FLT1: variants seen among roughly 807,000 people sequenced by gnomAD.
FLT1 encodes vascular endothelial growth factor receptor 1.
A neutral mutation model predicts 156.3 loss-of-function variants in FLT1; 49 were observed. That is an observed-to-expected ratio of 0.31 (90% CI 0.25 to 0.40). The LOEUF (loss-of-function observed/expected upper bound fraction) is 0.40, where lower values mean the gene tolerates loss of function less well. Ranked by LOEUF, FLT1 falls within the 10% of genes least tolerant of loss-of-function variation. The probability of loss-of-function intolerance (pLI) is 1.00; values close to 1 mark genes in which losing one functional copy is unlikely to be tolerated. For synonymous variants in FLT1, 594 were observed against 583.8 expected (o/e 1.02, Z -0.25); for missense variants, 1,322 against 1,637.2 (o/e 0.81, Z 3.32).
intron 10 of FLT1, among the ~76,000 whole-genome samples, chr13:28,408,477 T>C (rs899815190): frequency 1.3e-5 from 2 of 152,204 alleles, no homozygotes; most frequent in South Asian, 2.1e-4. Context: ...AAAAATAGAA[T>C]GTCATTTAGA....
chr13:28,419,040 TATTG>T (rs1205639012), intron 10 of FLT1, among the ~76,000 whole-genome samples: 2 of 152,188 alleles, frequency 1.3e-5, no homozygotes, highest in Non-Finnish European at 2.9e-5. Context: ...AAAAATGACT[TATTG>T]ATTAAGTCTA....
chr13:28,319,330 C>T (rs1351669551), intron 24 of FLT1, 93 bp downstream of exon 24: 11 of 828,364 alleles, frequency 1.3e-5, no homozygotes, highest in Non-Finnish European at 2.2e-5. Flanking sequence ...ACAGTAGGTT[C>T]TAATCTAAAG....
chr13:28,406,963 G>C (rs890002163), intron 10 of FLT1, among the ~76,000 whole-genome samples: 4 of 152,178 alleles, frequency 2.6e-5, no homozygotes, highest in Non-Finnish European at 5.9e-5. Flanking sequence ...CCTGGTCCTT[G>C]AGCTGAGAAG....
intron 19 of FLT1, among the ~76,000 whole-genome samples, chr13:28,328,099 G>A (rs1029301743): frequency 6.6e-6 from 1 of 152,224 alleles, no homozygotes; most frequent in Non-Finnish European, 1.5e-5. Flanking sequence ...AGGCTTTGCA[G>A]ATCAAGGAGC....
In FLT1 at chr13:28,352,585, G is replaced by C. The variant is rs531693775; in HGVS notation, c.2248+4969C>G. Reference sequence around the variant, plus strand: ...ATCACCATTTTTTAAAATTCTTCTTGATCAAGGCCAGCTTTATGTCACTGG... The same window carrying C: ...ATCACCATTTTTTAAAATTCTTCTTCATCAAGGCCAGCTTTATGTCACTGG... On this transcript the variant is annotated intron_variant, in intron 15 of 29. Transcript: ENST00000282397. Among the ~76,000 whole-genome samples the C allele has an allele frequency of 1.7e-4, 26 of 152,222 alleles. No individual in the cohort carries two copies. In the South Asian group the frequency reaches 5.0e-3, roughly 29 times the overall value.
intron 13 of FLT1, chr13:28,385,998 C>T (rs962669973): frequency 1.9e-6 from 2 of 1,051,438 alleles, no homozygotes; most frequent in African/African-American, 1.7e-5. Flanking sequence ...CCAAGTCATT[C>T]CTTTCCCCTC....
intron 9 of FLT1, 45 bp downstream of exon 9, chr13:28,427,707 T>G: frequency 6.5e-7 from 1 of 1,533,936 alleles, no homozygotes. Flanking sequence ...GTTCACTAAT[T>G]TGTTGCCTAC....
intron 1 of FLT1, among the ~76,000 whole-genome samples, chr13:28,487,089 C>T (rs2137667109): frequency 6.6e-6 from 1 of 152,344 alleles, no homozygotes; most frequent in South Asian, 2.1e-4. Context: ...GGTTCTTAAC[C>T]TCAGCTGCCC....
At position 28,303,348 on chromosome 13, in the gene FLT1, C is replaced by A. The variant is rs776931378; in HGVS notation, c.3836G>T (p.Ser1279Ile). The change falls in exon 30 of 30, where the codon AGT becomes ATT. Residue 1279 changes from serine to isoleucine, a missense_variant. Physicochemically the swap from Ser to Ile is moderately radical, Grantham distance 142. Transcript: ENST00000282397. ...LKIDLRVTSK[S>I]KESGLSDVSR... Reference sequence around the variant, plus strand: ...GACATCAGACAGCCCCGACTCCTTACTTTTACTGGTTACTCTCAAGCTAAA... The same window carrying A: ...GACATCAGACAGCCCCGACTCCTTAATTTTACTGGTTACTCTCAAGCTAAA... 6 of 1,614,062 alleles carry A rather than the reference C, an allele frequency of 3.7e-6. No individual in the cohort carries two copies. Among genetic ancestry groups the A allele is most frequent in the Non-Finnish European group, 5.1e-6 (6 of 1,180,000 alleles).
At chr13:28,466,819 A>G (rs1879875855) in intron 3 of FLT1, 84 bp downstream of exon 3, 1 of 972,498 alleles carries the variant, frequency 1.0e-6, no homozygotes, top group African/African-American at 1.6e-5. Flanking sequence ...TCACTAGGAA[A>G]GCAACCTTTC....
intron 14 of FLT1, among the ~76,000 whole-genome samples, chr13:28,383,941 T>A (rs1874199378): frequency 6.6e-6 from 1 of 152,204 alleles, no homozygotes; most frequent in African/African-American, 2.4e-5. Context: ...ATAAGGAACT[T>A]GAGCATCAGT....
intron 15 of FLT1, among the ~76,000 whole-genome samples, chr13:28,351,436 A>G (rs2138866007): frequency 6.6e-6 from 1 of 152,352 alleles, no homozygotes; most frequent in African/African-American, 2.4e-5. Context: ...CCCGAGCAAC[A>G]TAAGCCACTC....
Position 28,433,881 on chromosome 13 carries a change from T to A in FLT1, c.751A>T (p.Asn251Tyr), listed in dbSNP as rs772751830. 1.9e-6 allele frequency: 3 copies of A among 1,613,870 alleles called. No individual in the cohort carries two copies. The highest frequency in any genetic ancestry group is 2.5e-6 in the Non-Finnish European group (3 of 1,179,708). The change falls in exon 6 of 30, where the codon AAT becomes TAT. Residue 251 changes from asparagine to tyrosine, a missense_variant. Transcript: ENST00000282397. Reference protein sequence around the residue: ...KLLRGHTLVLNCTATTPLNTR... With the variant: ...KLLRGHTLVLYCTATTPLNTR... ...TTCAAGGGAGTGGTAGCAGTACAATTGAGGACAAGAGTATGGCCTCTAAGT... is the reference window on the plus strand; with the variant it reads ...TTCAAGGGAGTGGTAGCAGTACAATAGAGGACAAGAGTATGGCCTCTAAGT...
chr13:28,449,150 G>A (rs896835675), intron 3 of FLT1, among the ~76,000 whole-genome samples: 1 of 152,110 alleles, frequency 6.6e-6, no homozygotes, highest in African/African-American at 2.4e-5. Flanking sequence ...GGGCATGGTG[G>A]TACACACCTA....
At position 28,311,580 on chromosome 13, in the gene FLT1, G is replaced by A. The variant is rs753158245; in HGVS notation, c.3635+10C>T. On this transcript the variant is annotated intron_variant, in intron 27 of 29. Coordinates refer to ENST00000282397, the MANE Select transcript of FLT1 (RefSeq NM_002019.4). ...ATTCTGTGATATAAAGTTTGAGAAA[G>A]AAATCTTACCTGACATCATCAGAGC... 1.9e-6 allele frequency: 3 copies of A among 1,610,326 alleles called. No individual in the cohort carries two copies. The Admixed American group carries it at 5.0e-5, about 27-fold the overall frequency.
chr13:28,419,980 C>G (rs899113139), intron 10 of FLT1, among the ~76,000 whole-genome samples: 4 of 152,164 alleles, frequency 2.6e-5, no homozygotes, highest in African/African-American at 9.7e-5. Context: ...TTACAGGAGA[C>G]AGTTAACTCA....
intron 16 of FLT1, among the ~76,000 whole-genome samples, chr13:28,344,950 C>T (rs1445445537): frequency 6.6e-6 from 1 of 151,706 alleles, no homozygotes; most frequent in Non-Finnish European, 1.5e-5. Flanking sequence ...TACAGGTGTG[C>T]ACCACCATAC....
Position 28,389,967 on chromosome 13 carries a change from T to C in FLT1, c.1798A>G (p.Met600Val). ...ILLRTVNNRT[M>V]HYSISKQKMA... ...TTTTGCTTGCTAATACTGTAGTGCA[T>C]TGTTCTGTTATTAACTGTCCGCAGT... The change falls in exon 13 of 30, where the codon ATG becomes GTG. Residue 600 changes from methionine (M) to valine (V), a missense_variant. Transcript: ENST00000282397. The C allele has an allele frequency of 1.2e-6, 2 of 1,614,156 alleles. No homozygotes were observed. The highest frequency in any genetic ancestry group is 1.1e-5 in the South Asian group (1 of 91,082).
At chr13:28,309,884 C>CCT (rs778937977) in intron 27 of FLT1, among the ~76,000 whole-genome samples, 1 of 90,874 alleles carries the variant, frequency 1.1e-5, no homozygotes, top group African/African-American at 4.3e-5. Context: ...TTCTTTTTTC[C>CCT]TTTTTTTTTT....
Sources: allele counts gnomAD v4.1 joint callset (sites outside exome capture counted in the v4.1 genomes callset), GRCh38; gene constraint gnomAD v4.1.1; transcripts MANE v1.5; gene names NCBI Gene and HGNC (gene_info 2026-07-23, HGNC 2026-07-21).